The following DYTN variants were observed in gnomAD, a reference collection of about 807,000 sequenced individuals.
DYTN encodes dystrotelin.
Under a neutral mutation model 69.6 loss-of-function variants are expected in DYTN, and 75 were observed. The ratio of observed to expected loss-of-function variants is 1.08; its 90% CI spans 0.89 to 1.31. The LOEUF is 1.31. Ranked by LOEUF, DYTN falls within the 50% of genes most tolerant of loss-of-function variation. The pLI, the probability that DYTN is intolerant of heterozygous loss-of-function variation, is 0.00. For synonymous variants in DYTN, 252 were observed against 249.1 expected (o/e 1.01, Z -0.11); for missense variants, 726 against 688.4 (o/e 1.05, Z -0.61).
chr2:206,668,558 T>C (rs981880054), intron 9 of DYTN, among the ~76,000 whole-genome samples: 10 of 152,216 alleles, frequency 6.6e-5, no homozygotes, highest in Non-Finnish European at 8.8e-5. Flanking sequence ...TATACTTTTA[T>C]ATCTTTATCT....
intron 10 of DYTN, 42 bp from the exon 11 acceptor site, chr2:206,663,437 T>C (rs771953151): frequency 1.3e-6 from 2 of 1,504,914 alleles, no homozygotes; most frequent in South Asian, 2.8e-5. Context: ...TTAATGTTTA[T>C]CTTACTTTTT....
At chr2:206,695,597 A>G (rs1699911105) in intron 7 of DYTN, among the ~76,000 whole-genome samples, 1 of 152,170 alleles carries the variant, frequency 6.6e-6, no homozygotes, top group South Asian at 2.1e-4. Flanking sequence ...GGTGTCCCAT[A>G]ATACTCAGGA....
At chr2:206,686,810 G>T (rs1699814615) in intron 9 of DYTN, 1 of 152,316 alleles carries the variant, frequency 6.6e-6, no homozygotes, top group South Asian at 2.1e-4. Flanking sequence ...GTAAGCAGCT[G>T]CACGATGACA....
At chr2:206,684,511 C>T (rs1362619856) in intron 9 of DYTN, among the ~76,000 whole-genome samples, 1 of 152,100 alleles carries the variant, frequency 6.6e-6, no homozygotes, top group Non-Finnish European at 1.5e-5. Context: ...CCCTATGTTG[C>T]CCATGCTGGT....
At chr2:206,680,599 T>C (rs1312017753) in intron 9 of DYTN, among the ~76,000 whole-genome samples, 3 of 152,226 alleles carry the variant, frequency 2.0e-5, no homozygotes, top group East Asian at 3.8e-4. Flanking sequence ...AGATTCATTA[T>C]GTTCTGCAGA....
intron 9 of DYTN, among the ~76,000 whole-genome samples, chr2:206,679,464 G>A (rs1398573335): frequency 6.6e-6 from 1 of 152,140 alleles, no homozygotes; most frequent in African/African-American, 2.4e-5. Context: ...AGGTCATCTT[G>A]TCCAGGTCAG....
In DYTN at chr2:206,675,145, G is replaced by GTGTGTGTGTGTGTGTGTGTATA. The variant is rs1415225495; in HGVS notation, c.981-9117_981-9116insTATACACACACACACACACACA. Among the ~76,000 whole-genome samples, 1,177 of 119,904 alleles carry GTGTGTGTGTGTGTGTGTGTATA rather than the reference G, an allele frequency of 9.8e-3. 5 individuals carry two copies. Among genetic ancestry groups the GTGTGTGTGTGTGTGTGTGTATA allele is most frequent in the Non-Finnish European group, 0.014 (804 of 57,270 alleles). The allele number at this position is 119,904 out of a possible 152,430, so 78.7% of individuals were successfully genotyped here. A position where few individuals can be genotyped will look rare whatever the true frequency, so the allele number is the denominator to read the frequency against. ...TGTGTGTGTGTGTGTGTGTGTGTGT[G>GTGTGTGTGTGTGTGTGTGTATA]TATATATGTGTATATATATTTAAAT... On this transcript the variant is annotated intron_variant, in intron 9 of 11. Transcript: ENST00000452335.
chr2:206,691,152 C>T (rs1054204896), intron 9 of DYTN, among the ~76,000 whole-genome samples: 4 of 152,148 alleles, frequency 2.6e-5, no homozygotes, highest in Non-Finnish European at 4.4e-5. Flanking sequence ...GTGGCTCACA[C>T]CTGTAATCCC....
chr2:206,691,005 A>G (rs907760079), intron 9 of DYTN, among the ~76,000 whole-genome samples: 4 of 152,208 alleles, frequency 2.6e-5, no homozygotes, highest in African/African-American at 9.6e-5. Flanking sequence ...GAGGAATTTG[A>G]TTTAAGGAAG....
At chr2:206,713,880 C>A (rs1294759303) in intron 1 of DYTN, among the ~76,000 whole-genome samples, 4 of 152,184 alleles carry the variant, frequency 2.6e-5, no homozygotes, top group Non-Finnish European at 4.4e-5. Context: ...AATGTAATGT[C>A]AGCCGATTAA....
At chr2:206,673,778 A>G (rs1385090134) in intron 9 of DYTN, among the ~76,000 whole-genome samples, 1 of 152,242 alleles carries the variant, frequency 6.6e-6, no homozygotes, top group East Asian at 1.9e-4. Flanking sequence ...AACGTGGTAA[A>G]CAACACAGTT....
chr2:206,662,274 A>C (rs148401479), intron 11 of DYTN, among the ~76,000 whole-genome samples: 2 of 152,214 alleles, frequency 1.3e-5, no homozygotes, highest in African/African-American at 2.4e-5. Flanking sequence ...TCTACCTAAC[A>C]ATATTTTCAA....
At chr2:206,689,714 G>C (rs2105896302) in intron 9 of DYTN, among the ~76,000 whole-genome samples, 1 of 152,290 alleles carries the variant, frequency 6.6e-6, no homozygotes, top group South Asian at 2.1e-4. Flanking sequence ...GTTAGTTGAG[G>C]GCAAAGCTTC....
chr2:206,665,239 G>A (rs575107962), intron 10 of DYTN, among the ~76,000 whole-genome samples: 4 of 152,238 alleles, frequency 2.6e-5, no homozygotes, highest in Admixed American at 2.0e-4. Flanking sequence ...GGAAAATATA[G>A]AGCAATGCCA....
At chr2:206,696,733 A>G (rs1699923534) in intron 7 of DYTN, among the ~76,000 whole-genome samples, 1 of 152,204 alleles carries the variant, frequency 6.6e-6, no homozygotes, top group Non-Finnish European at 1.5e-5. Context: ...CCACTAGAAT[A>G]GACCACACTA....
At chr2:206,691,167 C>A (rs1699857899) in intron 9 of DYTN, among the ~76,000 whole-genome samples, 1 of 152,092 alleles carries the variant, frequency 6.6e-6, no homozygotes, top group African/African-American at 2.4e-5. Context: ...AATCCCAGCA[C>A]TTTGGGAGGC....
intron 11 of DYTN, among the ~76,000 whole-genome samples, chr2:206,655,586 A>C (rs968545310): frequency 6.8e-6 from 1 of 147,496 alleles, no homozygotes; most frequent in Admixed American, 7.0e-5. Flanking sequence ...ATTAAAAAAA[A>C]ATTTTTTTTT....
At chr2:206,673,821 T>C (rs1292082354) in intron 9 of DYTN, among the ~76,000 whole-genome samples, 3 of 152,196 alleles carry the variant, frequency 2.0e-5, no homozygotes, top group Non-Finnish European at 4.4e-5. Flanking sequence ...GCACATATTG[T>C]TGTGGTTAGA....
chr2:206,710,732 T>A (rs1164355819), intron 1 of DYTN, 134 bp from the exon 2 acceptor site: 1 of 625,524 alleles, frequency 1.6e-6, no homozygotes, highest in East Asian at 3.1e-5. Context: ...TAGAGCTCTT[T>A]TTTTTTCTGT....
Sources: gnomAD v4.1 joint callset for allele counts (sites outside exome capture counted in the v4.1 genomes callset) on GRCh38, gnomAD v4.1.1 for gene constraint, MANE v1.5 for transcripts, NCBI Gene and HGNC (gene_info 2026-07-23, HGNC 2026-07-21) for gene names.